The following ZCCHC7 variants were observed in gnomAD, a reference collection of about 807,000 sequenced individuals.
ZCCHC7 encodes zinc finger CCHC-type containing 7.
Under a neutral mutation model 52.0 loss-of-function variants are expected in ZCCHC7, and 35 were observed. The observed-to-expected ratio is 0.67, with a 90% CI of 0.51 to 0.89. ZCCHC7 has a LOEUF of 0.89. ZCCHC7 is among the 40% of genes least tolerant of loss of function. The pLI, the probability that ZCCHC7 is intolerant of heterozygous loss-of-function variation, is 0.00. For missense variants in ZCCHC7, 574 were observed against 649.1 expected, an observed-to-expected ratio of 0.88 and a Z score of 1.26; for synonymous variants, 217 against 221.5, an observed-to-expected ratio of 0.98 and a Z score of 0.18.
chr9:37,205,705 A>G (rs983976957), intron 2 of ZCCHC7, among the ~76,000 whole-genome samples: 2 of 152,142 alleles, frequency 1.3e-5, no homozygotes, highest in South Asian at 4.1e-4. Context: ...TTTAGTAGAG[A>G]TGGGGTTTCA....
intron 2 of ZCCHC7, among the ~76,000 whole-genome samples, chr9:37,158,291 C>T (rs780065896): frequency 6.6e-6 from 1 of 152,168 alleles, no homozygotes; most frequent in Non-Finnish European, 1.5e-5. Context: ...TCTTCCCTTT[C>T]TAGATCCCAA....
At chr9:37,247,918 A>T (rs1264264735) in intron 2 of ZCCHC7, among the ~76,000 whole-genome samples, 1 of 151,504 alleles carries the variant, frequency 6.6e-6, no homozygotes, top group Admixed American at 6.6e-5. Context: ...GTAAAAGTAA[A>T]AATAATAATA....
intron 2 of ZCCHC7, among the ~76,000 whole-genome samples, chr9:37,197,329 TG>T (rs1823342597): frequency 6.6e-6 from 1 of 152,208 alleles, no homozygotes; most frequent in African/African-American, 2.4e-5. Flanking sequence ...TGTGAGCTTT[TG>T]CTAAGGAGGG....
chr9:37,323,492 G>C (rs764567867), intron 5 of ZCCHC7, among the ~76,000 whole-genome samples: 2 of 152,130 alleles, frequency 1.3e-5, no homozygotes, highest in Non-Finnish European at 2.9e-5. Flanking sequence ...AGGCAGCTTA[G>C]AGTTAAAGAC....
chr9:37,181,217 G>T (rs1473583926), intron 2 of ZCCHC7, among the ~76,000 whole-genome samples: 1 of 151,962 alleles, frequency 6.6e-6, no homozygotes, highest in African/African-American at 2.4e-5. Flanking sequence ...AGTTTGCAAG[G>T]GTAGATGAGA....
At chr9:37,276,318 C>G (rs1248803120) in intron 2 of ZCCHC7, among the ~76,000 whole-genome samples, 1 of 152,142 alleles carries the variant, frequency 6.6e-6, no homozygotes, top group African/African-American at 2.4e-5. Context: ...TGCCTTTTCA[C>G]TCTCTTAATG....
chr9:37,197,406 A>G (rs1823346106), intron 2 of ZCCHC7, among the ~76,000 whole-genome samples: 1 of 152,244 alleles, frequency 6.6e-6, no homozygotes, highest in African/African-American at 2.4e-5. Context: ...GGAAGTTATA[A>G]CAAAGTATAA....
chr9:37,331,700 T>C (rs566285756), intron 6 of ZCCHC7, among the ~76,000 whole-genome samples: 1 of 151,794 alleles, frequency 6.6e-6, no homozygotes, highest in African/African-American at 2.4e-5. Context: ...AATGAAGAGA[T>C]TCAAAAAGTC....
At chr9:37,229,312 A>G (rs148200381) in intron 2 of ZCCHC7, among the ~76,000 whole-genome samples, 8 of 152,146 alleles carry the variant, frequency 5.3e-5, no homozygotes, top group African/African-American at 1.4e-4. Flanking sequence ...AAAATGGGCA[A>G]CTTTTTACAG....
chr9:37,279,161 C>CT (rs1453291260), intron 2 of ZCCHC7, among the ~76,000 whole-genome samples: 3 of 151,358 alleles, frequency 2.0e-5, no homozygotes, highest in African/African-American at 4.9e-5. Flanking sequence ...GAAAACTTGT[C>CT]TTATTTTATC....
chr9:37,167,386 A>G (rs1352246154), intron 2 of ZCCHC7, among the ~76,000 whole-genome samples: 1 of 151,850 alleles, frequency 6.6e-6, no homozygotes, highest in Non-Finnish European at 1.5e-5. Context: ...GCCTGGCCAA[A>G]TATTGTAACT....
intron 5 of ZCCHC7, among the ~76,000 whole-genome samples, chr9:37,309,127 A>G (rs1829476017): frequency 6.6e-6 from 1 of 152,206 alleles, no homozygotes. Flanking sequence ...TGTTGTAATT[A>G]CATGGCGAAG....
intron 1 of ZCCHC7, among the ~76,000 whole-genome samples, chr9:37,122,528 T>G (rs1216534228): frequency 1.3e-5 from 2 of 152,270 alleles, no homozygotes; most frequent in African/African-American, 4.8e-5. Flanking sequence ...TTTTAAACTC[T>G]GCTGGGACAT....
chr9:37,182,435 G>A (rs570298492), intron 2 of ZCCHC7, among the ~76,000 whole-genome samples: 211 of 151,548 alleles, frequency 1.4e-3, no homozygotes, highest in Non-Finnish European at 2.5e-3. Context: ...GGCGATCTTG[G>A]CTCACTGCAG....
At chr9:37,157,349 C>T (rs1286898284) in intron 2 of ZCCHC7, among the ~76,000 whole-genome samples, 1 of 151,824 alleles carries the variant, frequency 6.6e-6, no homozygotes, top group Admixed American at 6.6e-5. Context: ...GAAAATTATC[C>T]AGGTGTGGTG....
intron 2 of ZCCHC7, among the ~76,000 whole-genome samples, chr9:37,239,527 G>A (rs1158236611): frequency 1.3e-5 from 2 of 152,114 alleles, no homozygotes; most frequent in Non-Finnish European, 2.9e-5. Context: ...GGCAGACAGG[G>A]AGGGTTTTAA....
chr9:37,340,519 A>G (rs1220994553), intron 6 of ZCCHC7, among the ~76,000 whole-genome samples: 3 of 152,200 alleles, frequency 2.0e-5, no homozygotes, highest in Non-Finnish European at 4.4e-5. Flanking sequence ...CACAAAAACT[A>G]CATTCATTGC....
chr9:37,265,572 A>G (rs979192127), intron 2 of ZCCHC7, among the ~76,000 whole-genome samples: 7 of 152,216 alleles, frequency 4.6e-5, no homozygotes, highest in Admixed American at 2.0e-4. Flanking sequence ...TGTTCTACTT[A>G]AGTAGTATTT....
Position 37,349,355 on chromosome 9 carries a change from A to G in ZCCHC7, c.988-2A>G. ...AAACCCTCACAAATATTCATGTTGC[A>G]GACCAAACCTGGACCACCCAAAAAG... On this transcript the variant is annotated splice_acceptor_variant, in intron 6 of 8. Transcript: ENST00000336755. LOFTEE classifies it high-confidence loss of function. 2 of 1,613,720 alleles carry G rather than the reference A, an allele frequency of 1.2e-6. No homozygotes were observed. The highest frequency in any genetic ancestry group is 1.7e-6 in the Non-Finnish European group (2 of 1,179,834).
Sources: gnomAD v4.1 joint callset for allele counts (sites outside exome capture counted in the v4.1 genomes callset) on GRCh38, gnomAD v4.1.1 for gene constraint, MANE v1.5 for transcripts, NCBI Gene and HGNC (gene_info 2026-07-23, HGNC 2026-07-21) for gene names.